MED24: variants seen among roughly 807,000 people sequenced by gnomAD.
The protein encoded by MED24 is mediator of RNA polymerase II transcription subunit 24.
A neutral mutation model predicts 118.8 loss-of-function variants in MED24; 74 were observed. The ratio of observed to expected loss-of-function variants is 0.62; its 90% CI spans 0.52 to 0.76. The LOEUF (loss-of-function observed/expected upper bound fraction) is 0.76. MED24 is among the 30% of genes least tolerant of loss of function. The probability of loss-of-function intolerance (pLI) is 0.00; values close to 1 mark genes in which losing one functional copy is unlikely to be tolerated. For missense variants in MED24, 1,041 were observed against 1,278.9 expected (o/e 0.81, Z 2.84); for synonymous variants, 521 against 523.9 (o/e 0.99, Z 0.08).
chr17:40,026,478 GAGCT>G (rs1457767038), intron 18 of MED24, 147 bp from the exon 19 acceptor site: 4 of 1,194,304 alleles, frequency 3.3e-6, no homozygotes, highest in African/African-American at 1.5e-5. Context: ...GATCTTCCCA[GAGCT>G]ACCTGGGCCA....
intron 3 of MED24, among the ~76,000 whole-genome samples, chr17:40,046,286 A>G (rs1487554767): frequency 1.4e-5 from 2 of 145,694 alleles, no homozygotes; most frequent in African/African-American, 5.1e-5. Flanking sequence ...GGGTTTCACC[A>G]TGTTAGCCAG....
chr17:40,049,950 G>A (rs1985644239), intron 3 of MED24, among the ~76,000 whole-genome samples: 1 of 149,630 alleles, frequency 6.7e-6, no homozygotes, highest in African/African-American at 2.4e-5. Flanking sequence ...AGGAGTTAGA[G>A]ACCAGCCTGG....
chr17:40,032,351 C>T (rs748498680), intron 9 of MED24: 7 of 574,906 alleles, frequency 1.2e-5, no homozygotes, highest in Admixed American at 3.2e-5. Flanking sequence ...AAAGTGGATC[C>T]CCAGCTTCAA....
At position 40,019,239 on chromosome 17, in the gene MED24, A is replaced by C; in HGVS notation, c.*290T>G. ...TGCATCTAGAAAGTTCCTCAGAGGT[A>C]AGACTACTCCTGGGCTGGGGCGGGC... On this transcript the variant is annotated 3_prime_UTR_variant, in exon 26 of 26. Coordinates refer to ENST00000394128, the MANE Select transcript of MED24 (RefSeq NM_014815.4). The C allele has an allele frequency of 4.6e-6, 2 of 437,044 alleles. No homozygotes were observed. Among genetic ancestry groups the C allele is most frequent in the Non-Finnish European group, 4.1e-6 (1 of 243,094 alleles). 27.1% of individuals were successfully genotyped at this position (437,044 alleles called of 1,614,324 possible).
At chr17:40,026,130 C>A in intron 19 of MED24, 26 bp downstream of exon 19, 1 of 1,602,464 alleles carries the variant, frequency 6.2e-7, no homozygotes. Flanking sequence ...CTTGAAGGGT[C>A]TGAGAAGGGA....
At chr17:40,024,719 C>A (rs527445833) in intron 19 of MED24, among the ~76,000 whole-genome samples, 1 of 152,254 alleles carries the variant, frequency 6.6e-6, no homozygotes, top group African/African-American at 2.4e-5. Context: ...TATAGCCACA[C>A]AATAGAGGTT....
chr17:40,029,745 C>A lies in MED24; in HGVS notation c.1266+3G>T. 6.2e-7 allele frequency: 1 copy of A among 1,613,548 alleles called. No homozygotes were observed. The highest frequency in any genetic ancestry group is 1.1e-5 in the South Asian group (1 of 91,056). On this transcript the variant is annotated splice_donor_region_variant and intron_variant, in intron 13 of 25. Transcript: ENST00000394128. ...TGTGGTGGCCAGGGAAGGGCACACT[C>A]ACCTTGAGGATGTTTGTGACAGTGG...
At chr17:40,047,167 A>C (rs1361517900) in intron 3 of MED24, among the ~76,000 whole-genome samples, 9 of 152,188 alleles carry the variant, frequency 5.9e-5, no homozygotes, top group Non-Finnish European at 1.3e-4. Context: ...ATAAATAATA[A>C]ATCTCAAAAA....
At chr17:40,026,480 G>T in intron 18 of MED24, 149 bp from the exon 19 acceptor site, 1 of 1,178,436 alleles carries the variant, frequency 8.5e-7, no homozygotes, top group Non-Finnish European at 1.2e-6. Flanking sequence ...TCTTCCCAGA[G>T]CTACCTGGGC....
intron 6 of MED24, 172 bp downstream of exon 6, chr17:40,034,945 T>G: frequency 6.4e-7 from 1 of 1,562,622 alleles, no homozygotes; most frequent in Non-Finnish European, 8.7e-7. Context: ...GGTGCCACCC[T>G]GCCCAAGTCC....
chr17:40,024,418 C>T (rs1034142511), intron 19 of MED24, among the ~76,000 whole-genome samples: 2 of 152,228 alleles, frequency 1.3e-5, no homozygotes, highest in African/African-American at 2.4e-5. Flanking sequence ...CCTGTAATCC[C>T]GGCTACTCGG....
intron 24 of MED24, 128 bp from the exon 25 acceptor site, chr17:40,020,061 C>A: frequency 8.2e-7 from 1 of 1,223,652 alleles, no homozygotes; most frequent in East Asian, 2.5e-5. Flanking sequence ...AATGGGGTGT[C>A]AGAGAGAGAA....
chr17:40,047,648 C>T (rs1461452292), intron 3 of MED24, among the ~76,000 whole-genome samples: 3 of 150,020 alleles, frequency 2.0e-5, no homozygotes, highest in Non-Finnish European at 4.4e-5. Context: ...GGCAACAGAG[C>T]GAGACTCCAT....
intron 3 of MED24, among the ~76,000 whole-genome samples, chr17:40,038,956 G>C (rs925528732): frequency 6.6e-6 from 1 of 152,118 alleles, no homozygotes; most frequent in African/African-American, 2.4e-5. Flanking sequence ...GAGCCTGCCT[G>C]GGCAGGATGA....
At chr17:40,023,701 C>G (rs1982315607) in intron 19 of MED24, 2 of 310,070 alleles carry the variant, frequency 6.5e-6, no homozygotes, top group African/African-American at 4.3e-5. Flanking sequence ...CCCCATCCCC[C>G]AGGCCTGGGC....
chr17:40,026,583 A>G (rs1982676862), intron 18 of MED24, 64 bp downstream of exon 18: 2 of 1,450,248 alleles, frequency 1.4e-6, no homozygotes, highest in South Asian at 1.2e-5. Flanking sequence ...ACGAAATATA[A>G]CAAGTCATCA....
At chr17:40,020,097 AGGAGGGGG>A in intron 24 of MED24, 164 bp from the exon 25 acceptor site, 27 of 956,116 alleles carry the variant, frequency 2.8e-5, no homozygotes, top group Non-Finnish European at 3.6e-5. Flanking sequence ...TGGGGAGGGG[AGGAGGGGG>A]AACTAGACAG....
intron 3 of MED24, among the ~76,000 whole-genome samples, chr17:40,048,487 T>C (rs1334391106): frequency 6.6e-6 from 1 of 152,204 alleles, no homozygotes; most frequent in Admixed American, 6.5e-5. Context: ...CAATTCATGA[T>C]GTGACAAAAA....
intron 3 of MED24, among the ~76,000 whole-genome samples, chr17:40,036,586 G>A (rs1382048586): frequency 1.3e-5 from 2 of 151,684 alleles, no homozygotes; most frequent in African/African-American, 4.8e-5. Context: ...TACTCAGGAG[G>A]CTGAGGTAGG....
Sources: gnomAD v4.1 joint callset for allele counts (sites outside exome capture counted in the v4.1 genomes callset) on GRCh38, gnomAD v4.1.1 for gene constraint, MANE v1.5 for transcripts, NCBI Gene and HGNC (gene_info 2026-07-23, HGNC 2026-07-21) for gene names.